WSCD2: variants seen among roughly 807,000 people sequenced by gnomAD.
The protein encoded by WSCD2 is sialate:O-sulfotransferase 2.
WSCD2 carries 28 observed loss-of-function variants against 55.7 expected under a neutral mutation model. The ratio of observed to expected loss-of-function variants is 0.50; its 90% CI spans 0.37 to 0.69. The LOEUF (loss-of-function observed/expected upper bound fraction) is 0.69, where lower values mean the gene tolerates loss of function less well. Ranked by LOEUF, WSCD2 falls within the 30% of genes least tolerant of loss-of-function variation. The pLI is 0.00. For missense variants in WSCD2, 616 were observed against 762.1 expected (o/e 0.81, Z 2.26); for synonymous variants, 301 against 301.9 (o/e 1.00, Z 0.03).
At chr12:108,238,608 T>C (rs1352577207) in intron 7 of WSCD2, among the ~76,000 whole-genome samples, 3 of 152,238 alleles carry the variant, frequency 2.0e-5, no homozygotes, top group Non-Finnish European at 4.4e-5. Context: ...GTGGGCTTCA[T>C]TGACTTCTCA....
intron 7 of WSCD2, among the ~76,000 whole-genome samples, chr12:108,240,016 T>C (rs955904844): frequency 6.6e-6 from 1 of 152,292 alleles, no homozygotes; most frequent in East Asian, 1.9e-4. Flanking sequence ...CCACTGTGCC[T>C]AGCTAGCACC....
intron 6 of WSCD2, 126 bp downstream of exon 6, chr12:108,227,290 G>T: frequency 8.6e-7 from 1 of 1,169,174 alleles, no homozygotes; most frequent in Non-Finnish European, 1.2e-6. Flanking sequence ...CAGAGGGCAG[G>T]GCTGATGAAC....
intron 1 of WSCD2, among the ~76,000 whole-genome samples, chr12:108,146,099 T>C (rs953875901): frequency 3.9e-5 from 6 of 152,222 alleles, no homozygotes; most frequent in African/African-American, 1.2e-4. Context: ...GGGAGTTACA[T>C]GGGGTGTGCA....
intron 7 of WSCD2, among the ~76,000 whole-genome samples, chr12:108,237,146 T>C (rs148412451): frequency 6.6e-6 from 1 of 152,362 alleles, no homozygotes; most frequent in East Asian, 1.9e-4. Flanking sequence ...AAGATGGGAC[T>C]TTCCTGTCCC....
intron 2 of WSCD2, among the ~76,000 whole-genome samples, chr12:108,205,891 A>C (rs903087765): frequency 4.6e-5 from 7 of 152,214 alleles, no homozygotes; most frequent in African/African-American, 1.7e-4. Flanking sequence ...TTTCCAAAGG[A>C]AAAATATATG....
chr12:108,229,293 C>G (rs913754476), intron 6 of WSCD2, among the ~76,000 whole-genome samples: 1 of 152,158 alleles, frequency 6.6e-6, no homozygotes, highest in Non-Finnish European at 1.5e-5. Context: ...AATCTTTTAC[C>G]TGCCTTAAAT....
At chr12:108,178,371 T>A (rs1403935438) in intron 1 of WSCD2, among the ~76,000 whole-genome samples, 1 of 152,206 alleles carries the variant, frequency 6.6e-6, no homozygotes, top group Non-Finnish European at 1.5e-5. Flanking sequence ...TAATCACTTG[T>A]TCATTGACCT....
At chr12:108,141,589 A>G (rs139680999) in intron 1 of WSCD2, among the ~76,000 whole-genome samples, 17 of 152,258 alleles carry the variant, frequency 1.1e-4, no homozygotes, top group African/African-American at 4.1e-4. Context: ...CCGTCATCAC[A>G]TCTTTGTCTC....
At position 108,248,442 on chromosome 12, in the gene WSCD2, G is replaced by T; in HGVS notation, c.*99G>T. The T allele has an allele frequency of 6.8e-7, 1 of 1,472,074 alleles. No homozygotes were observed. Among genetic ancestry groups the T allele is most frequent in the South Asian group, 1.4e-5 (1 of 70,976 alleles). 91.2% of individuals were successfully genotyped at this position (1,472,074 alleles called of 1,614,324 possible). A position where few individuals can be genotyped will look rare whatever the true frequency, so the allele number is the denominator to read the frequency against. Reference sequence around the variant, plus strand: ...CCCCCACTCATCTGTCCTCTCTTTGGTCTGGGGACAATCCCCTTGGCTGCT... The same window carrying T: ...CCCCCACTCATCTGTCCTCTCTTTGTTCTGGGGACAATCCCCTTGGCTGCT... On this transcript the variant is annotated 3_prime_UTR_variant, in exon 9 of 9. Transcript: ENST00000547525. This position sits in a 1 kb window ranked among gnomAD's most constrained non-coding sequence, Gnocchi z 4.3.
intron 1 of WSCD2, among the ~76,000 whole-genome samples, chr12:108,168,756 A>C (rs560089557): frequency 2.6e-5 from 4 of 152,240 alleles, no homozygotes; most frequent in African/African-American, 4.8e-5. Context: ...CTGTGACATA[A>C]AACTTCTCCC....
rs79117449 is a variant in WSCD2, at chr12:108,203,177, C to T, written c.383-3112C>T. On this transcript the variant is annotated intron_variant, in intron 2 of 8. Coordinates refer to ENST00000547525, the MANE Select transcript of WSCD2 (RefSeq NM_014653.4). ...CTCCCCCTACCCTGGTGCCAAGGGA[C>T]AAAAATCCACCTTGAACTAGCTTAA... Among the ~76,000 whole-genome samples the T allele has an allele frequency of 5.8e-3, 884 of 152,318 alleles. 5 individuals carry two copies. The highest frequency in any genetic ancestry group is 0.02 in the African/African-American group (850 of 41,568).
intron 2 of WSCD2, among the ~76,000 whole-genome samples, chr12:108,204,404 AT>A (rs1885072236): frequency 6.7e-6 from 1 of 149,408 alleles, no homozygotes; most frequent in Non-Finnish European, 1.5e-5. Flanking sequence ...AGCTCCCTGT[AT>A]TTTTCCCTCT....
At chr12:108,145,399 C>A (rs1377110897) in intron 1 of WSCD2, among the ~76,000 whole-genome samples, 1 of 152,204 alleles carries the variant, frequency 6.6e-6, no homozygotes, top group Non-Finnish European at 1.5e-5. Flanking sequence ...GGACTGTCTG[C>A]TTTTGGGGGT....
At position 108,248,244 on chromosome 12, in the gene WSCD2, G is replaced by C; in HGVS notation, c.1599G>C (p.Ala533=). Reference sequence around the variant, plus strand: ...AGCTCGAGTATGACCCCTATACTGCGGACATGCAGAAGACCATCTCTGCCT... The same window carrying C: ...AGCTCGAGTATGACCCCTATACTGCCGACATGCAGAAGACCATCTCTGCCT... ...LRKLEYDPYT[A]DMQKTISAYI... is the part of the protein sequence containing the mutation. Residue 533 remains alanine (A), a synonymous_variant, in exon 9 of 9, where the codon GCG becomes GCC. Coordinates refer to ENST00000547525, the MANE Select transcript of WSCD2 (RefSeq NM_014653.4). This position sits in a 1 kb window ranked among gnomAD's most constrained non-coding sequence, Gnocchi z 4.3. The C allele has an allele frequency of 6.2e-7, 1 of 1,614,198 alleles. No individual in the cohort carries two copies. The highest frequency in any genetic ancestry group is 8.5e-7 in the Non-Finnish European group (1 of 1,180,050).
At chr12:108,208,762 G>T (rs745666540) in intron 3 of WSCD2, among the ~76,000 whole-genome samples, 7 of 152,324 alleles carry the variant, frequency 4.6e-5, no homozygotes, top group Non-Finnish European at 8.8e-5. Context: ...AGCCACTGCA[G>T]GGTGTCTATC....
chr12:108,247,113 T>C (rs1293475706), intron 8 of WSCD2, among the ~76,000 whole-genome samples: 1 of 152,174 alleles, frequency 6.6e-6, no homozygotes, highest in Non-Finnish European at 1.5e-5. Context: ...GCCCAGACTT[T>C]GAAGCCAGAC....
Position 108,195,827 on chromosome 12 carries a change from C to A in WSCD2, c.-6C>A. Reference sequence around the variant, plus strand: ...CCCCAGAGAGCCAGTCCGGAATGATCCCACTATGGCCAAGCTCTGGTTCAA... The same window carrying A: ...CCCCAGAGAGCCAGTCCGGAATGATACCACTATGGCCAAGCTCTGGTTCAA... On this transcript the variant is annotated 5_prime_UTR_variant, in exon 2 of 9. Coordinates refer to ENST00000547525, the MANE Select transcript of WSCD2 (RefSeq NM_014653.4). The A allele has an allele frequency of 6.2e-7, 1 of 1,601,338 alleles. No homozygotes were observed. Among genetic ancestry groups the A allele is most frequent in the Non-Finnish European group, 8.5e-7 (1 of 1,172,678 alleles).
intron 1 of WSCD2, among the ~76,000 whole-genome samples, chr12:108,142,863 G>T (rs1323328327): frequency 6.6e-6 from 1 of 151,830 alleles, no homozygotes; most frequent in Non-Finnish European, 1.5e-5. Context: ...ACCCAGGCTG[G>T]AGTGCAGTGG....
At chr12:108,185,627 C>A (rs1041418824) in intron 1 of WSCD2, among the ~76,000 whole-genome samples, 10 of 152,202 alleles carry the variant, frequency 6.6e-5, no homozygotes, top group African/African-American at 2.2e-4. Context: ...CACAAGATAA[C>A]ATTTCTCCTT....
Sources: allele counts gnomAD v4.1 joint callset (sites outside exome capture counted in the v4.1 genomes callset), GRCh38; gene constraint gnomAD v4.1.1; non-coding constraint Gnocchi (gnomAD v3.1); transcripts MANE v1.5; gene names NCBI Gene and HGNC (gene_info 2026-07-23, HGNC 2026-07-21).